SASH1: variants seen among roughly 807,000 people sequenced by gnomAD.
The protein encoded by SASH1 is SAM and SH3 domain-containing protein 1.
In SASH1, 44 loss-of-function variants were observed where a neutral mutation model predicts 125.2. The observed-to-expected ratio is 0.35, with a 90% CI of 0.28 to 0.45. SASH1 has a LOEUF of 0.45. SASH1 is among the 20% of genes least tolerant of loss of function. SASH1 has a pLI of 1.00. For missense variants in SASH1, 1,426 were observed against 1,614.5 expected (o/e 0.88, Z 2.00); for synonymous variants, 639 against 649.1 (o/e 0.98, Z 0.24).
intron 4 of SASH1, among the ~76,000 whole-genome samples, chr6:148,463,744 G>A (rs1301839557): frequency 6.6e-6 from 1 of 152,146 alleles, no homozygotes; most frequent in African/African-American, 2.4e-5. Context: ...AATAAGCACC[G>A]CACACTTAGC....
At chr6:148,340,749 T>G (rs1030425163), upstream of SASH1, among the ~76,000 whole-genome samples, 5 of 152,248 alleles carry the variant, frequency 3.3e-5, no homozygotes, top group South Asian at 2.1e-4. Context: ...CTGGCTGTAC[T>G]GACTCATAGT....
intron 7 of SASH1, among the ~76,000 whole-genome samples, chr6:148,475,524 G>A (rs1360923936): frequency 5.9e-5 from 9 of 152,116 alleles, no homozygotes; most frequent in African/African-American, 1.9e-4. Flanking sequence ...TGATAATGAC[G>A]GTAATGCTAC....
At chr6:148,304,733 A>T (rs756218533) in intron 1 of SASH1, among the ~76,000 whole-genome samples, 5 of 152,222 alleles carry the variant, frequency 3.3e-5, no homozygotes, top group Non-Finnish European at 5.9e-5. Context: ...TATTAAAATA[A>T]CTTCTACATT....
intron 2 of SASH1, 71 bp from the exon 3 acceptor site, chr6:148,440,113 C>G: frequency 7.0e-7 from 1 of 1,426,080 alleles, no homozygotes; most frequent in South Asian, 1.1e-5. Flanking sequence ...TCTCTTCTTA[C>G]ATGTCTATTT....
At chr6:148,440,750 CAAG>C (rs1776509992) in intron 4 of SASH1, 1 of 251,942 alleles carries the variant, frequency 4.0e-6, no homozygotes, top group African/African-American at 2.2e-5. Context: ...TAAAAGTTAT[CAAG>C]AAGCAAGATA....
At chr6:148,321,096 T>C (rs1435448254) in intron 1 of SASH1, among the ~76,000 whole-genome samples, 11 of 152,160 alleles carry the variant, frequency 7.2e-5, no homozygotes, top group Non-Finnish European at 1.5e-4. Flanking sequence ...GTTTTTACCA[T>C]TGAAGGTAAT....
At position 148,532,715 on chromosome 6, in the gene SASH1, T is replaced by C; in HGVS notation, c.1565-82T>C. 1.7e-5 allele frequency: 25 copies of C among 1,504,872 alleles called. No individual in the cohort carries two copies. In the South Asian group the frequency reaches 3.0e-4, roughly 18 times the overall value. 93.2% of individuals were successfully genotyped at this position (1,504,872 alleles called of 1,614,324 possible). On this transcript the variant is annotated intron_variant, in intron 13 of 19. Transcript: ENST00000367467. This position sits in a 1 kb window ranked among gnomAD's most constrained non-coding sequence, Gnocchi z 4.7. The stretch of plus-strand genomic sequence containing the variant: ...CTTTCTCTGGGCCTTCATTTCCTAA[T>C]CTGCCATACCTTCAATACCTTTCTG...
intron 4 of SASH1, among the ~76,000 whole-genome samples, chr6:148,454,417 A>G (rs1181521448): frequency 6.6e-6 from 1 of 152,268 alleles, no homozygotes; most frequent in African/African-American, 2.4e-5. Context: ...TATGCAAGGA[A>G]GAGAATTCGG....
At chr6:148,218,017 A>G in the SASH1 span, among the ~76,000 whole-genome samples, 3 of 150,958 alleles carry the variant, frequency 2.0e-5, no homozygotes, top group Admixed American at 6.6e-5. Context: ...TCTGTCTCAA[A>G]AAAAAAAAAA....
intron 1 of SASH1, among the ~76,000 whole-genome samples, chr6:148,361,958 G>GGCTGGAGT (rs1782236477): frequency 7.1e-6 from 1 of 141,580 alleles, no homozygotes; most frequent in Non-Finnish European, 1.5e-5. Flanking sequence ...CTGTCGCCCA[G>GGCTGGAGT]GCTGGAGTGC....
chr6:148,314,829 T>C (rs989436165), intron 1 of SASH1, among the ~76,000 whole-genome samples: 5 of 151,136 alleles, frequency 3.3e-5, no homozygotes, highest in Non-Finnish European at 7.4e-5. Flanking sequence ...CGATCTTGGC[T>C]CACTGCAACC....
chr6:148,238,912 C>T, the SASH1 span, among the ~76,000 whole-genome samples: 7 of 152,160 alleles, frequency 4.6e-5, no homozygotes, highest in Admixed American at 1.3e-4. Context: ...CTGGGATACG[C>T]TGTCATTCAA....
intron 2 of SASH1, among the ~76,000 whole-genome samples, chr6:148,418,309 C>A (rs991074705): frequency 6.6e-6 from 1 of 152,162 alleles, no homozygotes; most frequent in Non-Finnish European, 1.5e-5. Context: ...TCCCTGGCTG[C>A]CTACTCGGGA....
At position 148,440,393 on chromosome 6, in the gene SASH1, A is replaced by C; in HGVS notation, c.372A>C (p.Pro124=). The C allele has an allele frequency of 6.2e-7, 1 of 1,613,874 alleles. No individual in the cohort carries two copies. ...SLGFCSAVST[P]EVERKNPLHK... ...GCTTCTGTAGCGCCGTGTCAACCCC[A>C]GAAGTGGAAAGAAAGTAAGTCTTTC... Residue 124 remains proline, a synonymous_variant, in exon 4 of 20, where the codon CCA becomes CCC. Transcript: ENST00000367467.
the SASH1 span, among the ~76,000 whole-genome samples, chr6:148,197,833 A>T: frequency 0.011 from 1,622 of 152,108 alleles, 17 homozygotes; most frequent in Non-Finnish European, 0.016. Context: ...GTGAGTTCTC[A>T]CAAGATCTGG....
At chr6:148,332,804 G>A (rs567193671) in intron 1 of SASH1, among the ~76,000 whole-genome samples, 1 of 151,826 alleles carries the variant, frequency 6.6e-6, no homozygotes, top group African/African-American at 2.4e-5. Context: ...AGACCAACAT[G>A]GTAAAACCCC....
the SASH1 span, among the ~76,000 whole-genome samples, chr6:148,264,733 G>T: frequency 6.6e-6 from 1 of 152,296 alleles, no homozygotes; most frequent in East Asian, 1.9e-4. Flanking sequence ...CACACTCAGA[G>T]CAGCTGGCCT....
At chr6:148,520,034 T>C in intron 10 of SASH1, 141 bp downstream of exon 10, 1 of 638,040 alleles carries the variant, frequency 1.6e-6, no homozygotes, top group Non-Finnish European at 2.7e-6. Context: ...CCAGAGCTTT[T>C]CTCTGCCAGC....
intron 7 of SASH1, 100 bp from the exon 8 acceptor site, chr6:148,487,514 C>T (rs1252836035): frequency 7.3e-6 from 6 of 825,432 alleles, no homozygotes; most frequent in Non-Finnish European, 1.2e-5. Flanking sequence ...AGATTATGAA[C>T]CAGGAACCTA....
Sources: gnomAD v4.1 joint callset for allele counts (sites outside exome capture counted in the v4.1 genomes callset) on GRCh38, gnomAD v4.1.1 for gene constraint, Gnocchi (gnomAD v3.1) non-coding constraint, MANE v1.5 for transcripts, NCBI Gene and HGNC (gene_info 2026-07-23, HGNC 2026-07-21) for gene names.